Variants in CNTNAP5 observed in about 807,000 individuals in gnomAD.
CNTNAP5 encodes contactin-associated protein-like 5.
In CNTNAP5, 72 loss-of-function variants were observed where a neutral mutation model predicts 150.2. The observed-to-expected ratio is 0.48, with a 90% confidence interval of 0.40 to 0.58. CNTNAP5 has a LOEUF of 0.58. CNTNAP5 is among the 20% of genes least tolerant of loss of function. CNTNAP5 has a pLI of 0.00. For missense variants in CNTNAP5, 1,636 were observed against 1,626.2 expected (o/e 1.01, Z -0.10); for synonymous variants, 672 against 619.8 (o/e 1.08, Z -1.25).
chr2:124,398,839 T>G (rs1691331228), intron 3 of CNTNAP5, among the ~76,000 whole-genome samples: 1 of 152,094 alleles, frequency 6.6e-6, no homozygotes, highest in Non-Finnish European at 1.5e-5. Flanking sequence ...GGAGTAACAC[T>G]GGAGGCCAAA....
chr2:124,202,758 G>T (rs1685760587), intron 1 of CNTNAP5, among the ~76,000 whole-genome samples: 1 of 152,062 alleles, frequency 6.6e-6, no homozygotes. Flanking sequence ...ATTAGATTTT[G>T]TGAGACTTAT....
chr2:124,385,284 C>T (rs555466704), intron 3 of CNTNAP5, among the ~76,000 whole-genome samples: 1 of 152,202 alleles, frequency 6.6e-6, no homozygotes, highest in East Asian at 1.9e-4. Flanking sequence ...TTATTATGAA[C>T]ATAATCTAAT....
At position 124,920,181 on chromosome 2, in the gene CNTNAP5, G is replaced by A. The variant is rs377109398; in HGVS notation, c.*5893G>A. Among the ~76,000 whole-genome samples the A allele has an allele frequency of 6.6e-6, 1 of 152,124 alleles. No individual in the cohort carries two copies. Among genetic ancestry groups the A allele is most frequent in the South Asian group, 2.1e-4 (1 of 4,832 alleles). ...ACCAAAGGTGAAGATAATTGTGTTA[G>A]TGATTAACGCCTGGTCTTATTTTAA... On this transcript the variant is annotated 3_prime_UTR_variant, in exon 24 of 24. Coordinates refer to ENST00000682447, the MANE Select transcript of CNTNAP5 (RefSeq NM_001367498.1).
chr2:124,315,121 C>G (rs548704960), intron 3 of CNTNAP5, among the ~76,000 whole-genome samples: 2 of 152,128 alleles, frequency 1.3e-5, no homozygotes, highest in Admixed American at 1.3e-4. Context: ...TGCCACCATG[C>G]CTGGCTAATC....
chr2:124,710,073 C>G (rs143056778), intron 13 of CNTNAP5, among the ~76,000 whole-genome samples: 2 of 152,110 alleles, frequency 1.3e-5, no homozygotes, highest in African/African-American at 4.8e-5. Context: ...AGATGGTCAT[C>G]GAAGCTGGAA....
intron 17 of CNTNAP5, among the ~76,000 whole-genome samples, chr2:124,782,498 C>T (rs992971078): frequency 1.3e-5 from 2 of 152,176 alleles, no homozygotes; most frequent in African/African-American, 4.8e-5. Context: ...ATAGGGGAGG[C>T]TTCAGACCAA....
intron 1 of CNTNAP5, among the ~76,000 whole-genome samples, chr2:124,119,197 C>G (rs1250114840): frequency 6.6e-6 from 1 of 152,196 alleles, no homozygotes; most frequent in East Asian, 1.9e-4. Context: ...TCCCCACTCA[C>G]TCTCATCGCG....
At chr2:124,102,677 C>T (rs552116293) in intron 1 of CNTNAP5, among the ~76,000 whole-genome samples, 46 of 152,302 alleles carry the variant, frequency 3.0e-4, no homozygotes, top group Middle Eastern at 3.4e-3. Context: ...CTCCTCCTCC[C>T]GGGAAAGCTG....
intron 18 of CNTNAP5, among the ~76,000 whole-genome samples, chr2:124,792,525 C>T (rs574026489): frequency 8.5e-5 from 13 of 152,134 alleles, no homozygotes; most frequent in East Asian, 1.9e-4. Flanking sequence ...TTTCTATTAT[C>T]GAGATGTAAT....
rs771799987 is a variant in CNTNAP5 at position 124,504,279 on chromosome 2, T to C, written c.1063-13T>C. 5 of 1,608,002 alleles carry C rather than the reference T, an allele frequency of 3.1e-6. No homozygotes were observed. Among genetic ancestry groups the C allele is most frequent in the Non-Finnish European group, 4.3e-6 (5 of 1,174,904 alleles). On this transcript the variant is annotated splice_polypyrimidine_tract_variant and intron_variant, in intron 7 of 23. Transcript: ENST00000682447. ...AAATGGCTTTTATATGTTTGACTTT[T>C]ATTGTTTTCCAGGGCAATGTCACTT...
intron 21 of CNTNAP5, among the ~76,000 whole-genome samples, chr2:124,876,509 C>G (rs1197797075): frequency 1.3e-5 from 2 of 151,646 alleles, no homozygotes; most frequent in African/African-American, 4.8e-5. Context: ...GGAATTGTGG[C>G]TCATTTGGGG....
intron 13 of CNTNAP5, among the ~76,000 whole-genome samples, chr2:124,744,162 G>T (rs1168976203): frequency 6.6e-6 from 1 of 152,114 alleles, no homozygotes; most frequent in Non-Finnish European, 1.5e-5. Flanking sequence ...GGAGGGACCA[G>T]GTGGGAGATA....
At chr2:124,651,770 C>T (rs1352862427) in intron 13 of CNTNAP5, among the ~76,000 whole-genome samples, 1 of 152,156 alleles carries the variant, frequency 6.6e-6, no homozygotes, top group Non-Finnish European at 1.5e-5. Flanking sequence ...TCTGTGAAGG[C>T]CACGGAGTTG....
At chr2:124,492,386 G>A (rs144126348) in intron 7 of CNTNAP5, among the ~76,000 whole-genome samples, 2 of 152,270 alleles carry the variant, frequency 1.3e-5, no homozygotes, top group African/African-American at 4.8e-5. Context: ...TTTCACCACT[G>A]TGCAATAAGT....
In CNTNAP5 at chr2:124,865,941, TA is replaced by T. The variant is rs796481830; in HGVS notation, c.3348+516del. ...CCTGGGAGACAGAGCAAGACTTCATTAAAAAAAAAAATTAAAAGAAAAAAAG... is the reference window on the plus strand; with the variant it reads ...CCTGGGAGACAGAGCAAGACTTCATTAAAAAAAAAATTAAAAGAAAAAAAG... On this transcript the variant is annotated intron_variant, in intron 20 of 23. Transcript: ENST00000682447. Among the ~76,000 whole-genome samples, 960 of 130,430 alleles carry T rather than the reference TA, an allele frequency of 7.4e-3. 13 individuals carry two copies. Among genetic ancestry groups the T allele is most frequent in the African/African-American group, 0.023 (814 of 34,770 alleles). The allele number at this position is 130,430 out of a possible 152,430, so 85.6% of individuals were successfully genotyped here. A position where few individuals can be genotyped will look rare whatever the true frequency, so the allele number is the denominator to read the frequency against.
intron 10 of CNTNAP5, among the ~76,000 whole-genome samples, chr2:124,559,442 C>T (rs766197486): frequency 4.6e-5 from 7 of 152,194 alleles, no homozygotes; most frequent in Non-Finnish European, 8.8e-5. Context: ...AGAGGAAAGC[C>T]ATTGTGTCCA....
At chr2:124,332,633 T>C (rs918269909) in intron 3 of CNTNAP5, among the ~76,000 whole-genome samples, 2 of 151,710 alleles carry the variant, frequency 1.3e-5, no homozygotes, top group African/African-American at 2.4e-5. Context: ...TTTAATTTAG[T>C]AAAACTCTAA....
rs141869564 is a variant in CNTNAP5 at position 124,529,918 on chromosome 2, C to T, written c.1649+2462C>T. Among the ~76,000 whole-genome samples the T allele has an allele frequency of 4.9e-3, 739 of 152,280 alleles. 6 individuals are homozygous for T. Among genetic ancestry groups the T allele is most frequent in the Non-Finnish European group, 6.7e-3 (455 of 68,028 alleles). On this transcript the variant is annotated intron_variant, in intron 10 of 23. Transcript: ENST00000682447. ...TCTCTCAAAGTGAAGTGGGATCCCG[C>T]CCTGCCAGCTTTTGTTTTTTGCTGG... is the stretch of plus-strand genomic sequence containing the variant.
At chr2:124,794,284 G>T (rs1045803818) in intron 18 of CNTNAP5, among the ~76,000 whole-genome samples, 2 of 152,178 alleles carry the variant, frequency 1.3e-5, no homozygotes, top group Non-Finnish European at 1.5e-5. Flanking sequence ...GACACTGGTT[G>T]TGTACCTCAA....
Sources: allele counts gnomAD v4.1 joint callset (sites outside exome capture counted in the v4.1 genomes callset), GRCh38; gene constraint gnomAD v4.1.1; transcripts MANE v1.5; gene names NCBI Gene and HGNC (gene_info 2026-07-23, HGNC 2026-07-21).